SRRM3: variants seen among roughly 807,000 people sequenced by gnomAD.
The protein encoded by SRRM3 is serine/arginine repetitive matrix 3, also known as serine/arginine repetitive matrix protein 3.
SRRM3 carries 27 observed loss-of-function variants against 66.2 expected under a neutral mutation model. The ratio of observed to expected loss-of-function variants is 0.41; its 90% confidence interval spans 0.30 to 0.56. SRRM3 has a LOEUF of 0.56. Ranked by LOEUF, SRRM3 falls within the 20% of genes least tolerant of loss-of-function variation. The pLI, the probability that SRRM3 is intolerant of heterozygous loss-of-function variation, is 0.32. For missense variants in SRRM3, 918 were observed against 991.9 expected (o/e 0.93, Z 1.00); for synonymous variants, 391 against 414.9 (o/e 0.94, Z 0.70).
chr7:76,213,124 C>T (rs1434132486), intron 1 of SRRM3, among the ~76,000 whole-genome samples: 15 of 150,842 alleles, frequency 9.9e-5, no homozygotes, highest in Non-Finnish European at 2.2e-4. Flanking sequence ...ATTCTCCTGC[C>T]TCAGCCTCCC....
intron 2 of SRRM3, among the ~76,000 whole-genome samples, chr7:76,247,058 G>A (rs1259222697): frequency 2.6e-5 from 4 of 152,178 alleles, no homozygotes; most frequent in African/African-American, 9.7e-5. Flanking sequence ...AGACCTCCAG[G>A]GGCAGTGTGG....
intron 2 of SRRM3, among the ~76,000 whole-genome samples, chr7:76,241,565 G>A (rs559810029): frequency 2.6e-4 from 39 of 152,234 alleles, no homozygotes; most frequent in African/African-American, 8.7e-4. Flanking sequence ...GTGCAATGGC[G>A]CAATCTCAGC....
chr7:76,208,633 G>A (rs1800358089), intron 1 of SRRM3, among the ~76,000 whole-genome samples: 2 of 151,972 alleles, frequency 1.3e-5, no homozygotes, highest in South Asian at 2.1e-4. Context: ...TCAGGAGTTC[G>A]AGACCAGCCT....
At chr7:76,236,150 A>C (rs77973996) in intron 2 of SRRM3, among the ~76,000 whole-genome samples, 8,563 of 151,540 alleles carry the variant, frequency 0.057, 579 homozygotes, top group African/African-American at 0.15. Context: ...GTCTTTACTG[A>C]AAATACAAAA....
chr7:76,285,761 C>T lies in SRRM3; in HGVS notation c.1880C>T (p.Thr627Ile), dbSNP rs781894527. Residue 627 changes from threonine (T) to isoleucine (I), a missense_variant, in exon 15 of 15, where the codon ACC becomes ATC. Transcript: ENST00000611745. This position sits in a 1 kb window ranked among gnomAD's most constrained non-coding sequence, Gnocchi z 4.1. ...HGSYSSRSHG[T>I]RSRTRSPSRT... The stretch of plus-strand genomic sequence containing the variant: ...AGCTACAGCAGTCGCAGCCATGGGA[C>T]CCGCAGCCGGACACGCAGCCCCTCG... 168 of 1,550,732 alleles carry T rather than the reference C, an allele frequency of 1.1e-4. No homozygotes were observed. Among genetic ancestry groups the T allele is most frequent in the Middle Eastern group, 3.5e-4 (2 of 5,772 alleles).
At chr7:76,262,754 T>C (rs1172178891) in intron 8 of SRRM3, among the ~76,000 whole-genome samples, 2 of 151,222 alleles carry the variant, frequency 1.3e-5, no homozygotes, top group Non-Finnish European at 2.9e-5. Flanking sequence ...AGGAGGAAAT[T>C]ACAGGGAGCT....
chr7:76,263,554 A>G (rs782488050), intron 8 of SRRM3, among the ~76,000 whole-genome samples: 29 of 152,108 alleles, frequency 1.9e-4, no homozygotes, highest in Non-Finnish European at 3.4e-4. Flanking sequence ...GGATCCAGAG[A>G]TGTCATTCAA....
Position 76,281,429 on chromosome 7 carries a change from T to C in SRRM3, c.1009-12T>C, listed in dbSNP as rs1802503484. 6 of 1,229,796 alleles carry C rather than the reference T, an allele frequency of 4.9e-6. No individual in the cohort carries two copies. Among genetic ancestry groups the C allele is most frequent in the Non-Finnish European group, 6.1e-6 (6 of 979,844 alleles). 76.2% of individuals were successfully genotyped at this position (1,229,796 alleles called of 1,614,324 possible). ...CCCCCCTCCGTGCCCTGTCTGCCTC[T>C]CTCCCCGTCAGAAGCCCAGCTCGCC... On this transcript the variant is annotated splice_polypyrimidine_tract_variant and intron_variant, in intron 11 of 14. Coordinates refer to ENST00000611745, the MANE Select transcript of SRRM3 (RefSeq NM_001110199.3).
intron 1 of SRRM3, among the ~76,000 whole-genome samples, chr7:76,234,215 G>C (rs1290944795): frequency 1.3e-5 from 2 of 151,874 alleles, no homozygotes; most frequent in Non-Finnish European, 2.9e-5. Context: ...GTGTGTGTGT[G>C]TGTGTGTGTC....
intron 3 of SRRM3, among the ~76,000 whole-genome samples, chr7:76,251,812 C>T (rs1801589331): frequency 6.6e-6 from 1 of 151,846 alleles, no homozygotes. Context: ...CCTGTAATCC[C>T]AGCATTTTGG....
chr7:76,215,722 G>A (rs1800550937), intron 1 of SRRM3, among the ~76,000 whole-genome samples: 1 of 148,688 alleles, frequency 6.7e-6, no homozygotes, highest in Non-Finnish European at 1.5e-5. Context: ...CTGCCTCCCA[G>A]GTTCAAATGT....
At chr7:76,238,369 G>A (rs913800878) in intron 2 of SRRM3, among the ~76,000 whole-genome samples, 14 of 152,180 alleles carry the variant, frequency 9.2e-5, no homozygotes, top group Middle Eastern at 3.4e-3. Context: ...GTTCAGTCCC[G>A]TTTATTTACC....
At chr7:76,281,033 G>A (rs1316429645) in intron 11 of SRRM3, among the ~76,000 whole-genome samples, 1 of 121,272 alleles carries the variant, frequency 8.2e-6, no homozygotes, top group Non-Finnish European at 1.6e-5. Context: ...CTCCTCCCTT[G>A]CTCTCTCCTC....
intron 2 of SRRM3, among the ~76,000 whole-genome samples, chr7:76,246,692 G>C (rs1801452649): frequency 6.6e-6 from 1 of 152,304 alleles, no homozygotes; most frequent in East Asian, 1.9e-4. Flanking sequence ...CATCTTGCTG[G>C]GAGAAGCTGG....
intron 1 of SRRM3, among the ~76,000 whole-genome samples, chr7:76,224,564 GA>G (rs1800807589): frequency 6.6e-6 from 1 of 152,100 alleles, no homozygotes; most frequent in Non-Finnish European, 1.5e-5. Context: ...AAGGATGAAT[GA>G]ATGATCCCAC....
In SRRM3 at chr7:76,235,224, A is replaced by C; in HGVS notation, c.158A>C (p.Glu53Ala). 1 of 1,554,868 alleles carries C rather than the reference A, an allele frequency of 6.4e-7. No homozygotes were observed. Among genetic ancestry groups the C allele is most frequent in the East Asian group, 2.4e-5 (1 of 42,004 alleles). The change falls in exon 2 of 15, where the codon GAG becomes GCG. Residue 53 changes from glutamate (E) to alanine (A), a missense_variant. Coordinates refer to ENST00000611745, the MANE Select transcript of SRRM3 (RefSeq NM_001110199.3). ...GGCCTGGTGAAGCGCGCGCACCGCG[A>C]GATCCTGGACCACGAGCGCAAGCGG... ...EPGLVKRAHREILDHERKRRV... is the reference protein window; with the variant it reads ...EPGLVKRAHRAILDHERKRRV...
At chr7:76,271,559 G>T (rs2117088327) in intron 11 of SRRM3, among the ~76,000 whole-genome samples, 1 of 152,150 alleles carries the variant, frequency 6.6e-6, no homozygotes, top group Non-Finnish European at 1.5e-5. Context: ...CAGGAGGATT[G>T]CTTGAACCAG....
In SRRM3 at chr7:76,260,120, C is replaced by G. The variant is rs1554608364; in HGVS notation, c.468C>G (p.Thr156=). ...SCYRGHRGYR[T]KHWSSSSASP... ...ACCCCCGCCCCTTCTCCCCCAGGAC[C>G]AAGCATTGGTCTAGCAGCTCGGCAT... Residue 156 remains threonine (T), a synonymous_variant, in exon 5 of 15, where the codon ACC becomes ACG. Transcript: ENST00000611745. 1.4e-6 allele frequency: 2 copies of G among 1,474,600 alleles called. No homozygotes were observed. The highest frequency in any genetic ancestry group is 2.5e-5 in the South Asian group (2 of 79,230). 91.3% of individuals were successfully genotyped at this position (1,474,600 alleles called of 1,614,324 possible).
At chr7:76,235,921 T>G (rs144216125) in intron 2 of SRRM3, among the ~76,000 whole-genome samples, 9,834 of 146,508 alleles carry the variant, frequency 0.067, 762 homozygotes, top group African/African-American at 0.19. Context: ...CAGGAGAATT[T>G]CTTGAACCCA....
Sources: gnomAD v4.1 joint callset for allele counts (sites outside exome capture counted in the v4.1 genomes callset) on GRCh38, gnomAD v4.1.1 for gene constraint, Gnocchi (gnomAD v3.1) non-coding constraint, MANE v1.5 for transcripts, NCBI Gene and HGNC (gene_info 2026-07-23, HGNC 2026-07-21) for gene names.